WDR86: variants seen among roughly 807,000 people sequenced by gnomAD.
The protein encoded by WDR86 is WD repeat domain 86.
Under a neutral mutation model 36.5 loss-of-function variants are expected in WDR86, and 30 were observed. The ratio of observed to expected loss-of-function variants is 0.82; its 90% CI spans 0.61 to 1.11. The LOEUF is 1.11. WDR86 is among the 50% of genes most tolerant of loss of function. The pLI, the probability that WDR86 is intolerant of heterozygous loss-of-function variation, is 0.00. For missense variants in WDR86, 545 were observed against 561.2 expected (o/e 0.97, Z 0.29); for synonymous variants, 255 against 252.9 (o/e 1.01, Z -0.08).
chr7:151,381,761 G>C lies in WDR86; in HGVS notation c.967-15C>G. 6.7e-7 allele frequency: 1 copy of C among 1,493,978 alleles called. No homozygotes were observed. The highest frequency in any genetic ancestry group is 8.9e-7 in the Non-Finnish European group (1 of 1,123,782). The allele number at this position is 1,493,978 out of a possible 1,614,324, so 92.5% of individuals were successfully genotyped here. A position where few individuals can be genotyped will look rare whatever the true frequency, so the allele number is the denominator to read the frequency against. On this transcript the variant is annotated splice_polypyrimidine_tract_variant and intron_variant, in intron 5 of 5. Coordinates refer to ENST00000334493, the MANE Select transcript of WDR86 (RefSeq NM_198285.3). The surrounding 1 kb of genome is among the most constrained non-coding windows in gnomAD (Gnocchi z 4.8). ...TGGCCGTGCACCTGCGGGCGCAGGG[G>C]CGGGCGTCACCGGTGACGCGGTAGG...
At chr7:151,382,297 C>T (rs528888650) in intron 4 of WDR86, among the ~76,000 whole-genome samples, 2 of 152,328 alleles carry the variant, frequency 1.3e-5, no homozygotes, top group Admixed American at 6.5e-5. Context: ...TGGGGATAAT[C>T]GTCAGGTCCT....
At chr7:151,376,766 G>T, downstream of WDR86, 1 of 1,595,496 alleles carries the variant, frequency 6.3e-7, no homozygotes, top group Non-Finnish European at 8.5e-7. Context: ...GCTGTCGCCA[G>T]AAGACTCTTT....
In WDR86 at chr7:151,409,384, T is replaced by A; in HGVS notation, c.163+43A>T. 6.5e-7 allele frequency: 1 copy of A among 1,549,674 alleles called. No homozygotes were observed. ...GCTGGGGTCCGCGGTCTGGGGCCGG[T>A]GAGCTGCGGCGAAGAGGTCAGGGAG... is the stretch of plus-strand genomic sequence containing the variant. On this transcript the variant is annotated intron_variant, in intron 1 of 5. Coordinates refer to ENST00000334493, the MANE Select transcript of WDR86 (RefSeq NM_198285.3). The surrounding 1 kb of genome is among the most constrained non-coding windows in gnomAD (Gnocchi z 5.2).
intron 3 of WDR86, 165 bp from the exon 4 acceptor site, chr7:151,385,388 C>T: frequency 7.8e-7 from 1 of 1,283,932 alleles, no homozygotes; most frequent in Non-Finnish European, 1.0e-6. Context: ...CACTTCAGCA[C>T]CCAAAAGCAG....
At chr7:151,398,348 T>C (rs1160678469) in intron 2 of WDR86, among the ~76,000 whole-genome samples, 1 of 152,074 alleles carries the variant, frequency 6.6e-6, no homozygotes, top group African/African-American at 2.4e-5. Flanking sequence ...TATGAGTGCA[T>C]ATGTATGTTG....
At position 151,390,916 on chromosome 7, in the gene WDR86, A is replaced by G. The variant is rs561291633; in HGVS notation, c.726+4860T>C. 6.6e-6 allele frequency among the ~76,000 whole-genome samples: 1 copy of G among 152,360 alleles called. No homozygotes were observed. Among genetic ancestry groups the G allele is most frequent in the African/African-American group, 2.4e-5 (1 of 41,580 alleles). ...AGCGGGGAGTCAGTGTTTAATGGGGACAGAGTTCTGATTTGGGCTGATGGA... is the reference window on the plus strand; with the variant it reads ...AGCGGGGAGTCAGTGTTTAATGGGGGCAGAGTTCTGATTTGGGCTGATGGA... On this transcript the variant is annotated intron_variant, in intron 3 of 5. Transcript: ENST00000334493. The surrounding 1 kb of genome is among the most constrained non-coding windows in gnomAD (Gnocchi z 4.5).
intron 3 of WDR86, among the ~76,000 whole-genome samples, chr7:151,393,283 C>A (rs189104506): frequency 1.3e-5 from 2 of 152,112 alleles, no homozygotes; most frequent in African/African-American, 4.8e-5. Flanking sequence ...GGAGTGTGTG[C>A]GCCTATGCCT....
intron 1 of WDR86, among the ~76,000 whole-genome samples, chr7:151,407,765 CG>C (rs1301614771): frequency 6.6e-6 from 1 of 152,108 alleles, no homozygotes; most frequent in Non-Finnish European, 1.5e-5. Flanking sequence ...CGCTTGAACC[CG>C]GGAGGCGGAG....
chr7:151,407,041 G>C (rs895382346), intron 1 of WDR86, among the ~76,000 whole-genome samples: 1 of 152,184 alleles, frequency 6.6e-6, no homozygotes, highest in Non-Finnish European at 1.5e-5. Flanking sequence ...CAAGTTGAGC[G>C]TATCAGTAGA....
At chr7:151,397,113 C>T (rs534218631) in intron 2 of WDR86, among the ~76,000 whole-genome samples, 9 of 152,374 alleles carry the variant, frequency 5.9e-5, no homozygotes, top group South Asian at 2.1e-4. Context: ...GAGAGGAGAC[C>T]GCCAAGGGGT....
chr7:151,390,106 G>T lies in WDR86; in HGVS notation c.727-4883C>A, dbSNP rs76836187. ...ATCCAAATGCAAGAGAGCGTGGGGT[G>T]TAATGGCCAGCCCTGGTGCCACGAA... On this transcript the variant is annotated intron_variant, in intron 3 of 5. Transcript: ENST00000334493. This position sits in a 1 kb window ranked among gnomAD's most constrained non-coding sequence, Gnocchi z 4.5. 6.6e-6 allele frequency among the ~76,000 whole-genome samples: 1 copy of T among 152,136 alleles called. No individual in the cohort carries two copies. Among genetic ancestry groups the T allele is most frequent in the Non-Finnish European group, 1.5e-5 (1 of 68,026 alleles).
chr7:151,389,118 C>CTTTTTTTTTTTTTTTTTTTTTT (rs34882878), intron 3 of WDR86, among the ~76,000 whole-genome samples: 1 of 125,574 alleles, frequency 8.0e-6, no homozygotes. Context: ...CTTTTCTTTC[C>CTTTTTTTTTTTTTTTTTTTTTT]TTTTTTTTTT....
chr7:151,375,751 AC>A, downstream of WDR86: 1 of 789,236 alleles, frequency 1.3e-6, no homozygotes, highest in Non-Finnish European at 2.2e-6. Flanking sequence ...GCAGCAGAGG[AC>A]GGCGGGGTCT....
rs1801094709 is a variant in WDR86, at chr7:151,409,971, G to A, written c.-382C>T. On this transcript the variant is annotated 5_prime_UTR_variant, in exon 1 of 6. Transcript: ENST00000334493. This position sits in a 1 kb window ranked among gnomAD's most constrained non-coding sequence, Gnocchi z 5.2. Reference sequence around the variant, plus strand: ...CCTCCTCTCGCGCCCACGGGGCTGGGGCGGGGAGAGGAACACGGGAAGCCG... The same window carrying A: ...CCTCCTCTCGCGCCCACGGGGCTGGAGCGGGGAGAGGAACACGGGAAGCCG... The A allele has an allele frequency of 5.9e-6, 6 of 1,015,874 alleles. No homozygotes were observed. The highest frequency in any genetic ancestry group is 7.1e-6 in the Non-Finnish European group (6 of 850,728). 62.9% of individuals were successfully genotyped at this position (1,015,874 alleles called of 1,614,324 possible).
At chr7:151,398,145 T>C (rs1800004534) in intron 2 of WDR86, among the ~76,000 whole-genome samples, 1 of 152,188 alleles carries the variant, frequency 6.6e-6, no homozygotes, top group Non-Finnish European at 1.5e-5. Context: ...TATGTGCATG[T>C]GTGTTGTGTG....
In WDR86 at chr7:151,405,281, C is replaced by G. The variant is rs908010484; in HGVS notation, c.163+4146G>C. Among the ~76,000 whole-genome samples the G allele has an allele frequency of 1.3e-5, 2 of 152,162 alleles. No individual in the cohort carries two copies. The highest frequency in any genetic ancestry group is 2.4e-5 in the African/African-American group (1 of 41,432). On this transcript the variant is annotated intron_variant, in intron 1 of 5. Transcript: ENST00000334493. This position sits in a 1 kb window ranked among gnomAD's most constrained non-coding sequence, Gnocchi z 4.7. ...TAGGTCAGGATATGTTCCCCTCCCC[C>G]AGCTCCGACCCTGCAGGGCTCCCTC...
chr7:151,385,174 C>G lies in WDR86; in HGVS notation c.776G>C (p.Cys259Ser), dbSNP rs1798875938. 1 of 1,613,130 alleles carries G rather than the reference C, an allele frequency of 6.2e-7. No homozygotes were observed. Among genetic ancestry groups the G allele is most frequent in the Non-Finnish European group, 8.5e-7 (1 of 1,179,894 alleles). Residue 259 changes from cysteine (C) to serine (S), a missense_variant, in exon 4 of 6, where the codon TGC becomes TCC. By Grantham distance (112) the Cys-to-Ser change is moderately radical (BLOSUM62 -1). Coordinates refer to ENST00000334493, the MANE Select transcript of WDR86 (RefSeq NM_198285.3). ...YSGSADRTVK[C>S]WLADTGECVR... ...ACACTCCCCTGTGTCTGCCAGCCAGCACTTGACGGTCCTGTCCGCGCTGCC... is the reference window on the plus strand; with the variant it reads ...ACACTCCCCTGTGTCTGCCAGCCAGGACTTGACGGTCCTGTCCGCGCTGCC...
intron 1 of WDR86, chr7:151,408,673 C>T (rs767431043): frequency 2.1e-5 from 7 of 329,786 alleles, no homozygotes; most frequent in South Asian, 4.9e-5. Flanking sequence ...CAGGGGACTA[C>T]GTGTGCTACC....
exon 2 of WDR86, chr7:151,375,985 G>C: frequency 2.2e-6 from 3 of 1,352,148 alleles, no homozygotes; most frequent in Non-Finnish European, 3.2e-6. Context: ...GACAGCCTCG[G>C]GTGGGGTTGC....
Sources: gnomAD v4.1 joint callset for allele counts (sites outside exome capture counted in the v4.1 genomes callset) on GRCh38, gnomAD v4.1.1 for gene constraint, Gnocchi (gnomAD v3.1) non-coding constraint, MANE v1.5 for transcripts, NCBI Gene and HGNC (gene_info 2026-07-23, HGNC 2026-07-21) for gene names.